LRMDA: variants seen among roughly 807,000 people sequenced by gnomAD.
LRMDA encodes leucine-rich melanocyte differentiation-associated protein.
In LRMDA, 18 loss-of-function variants were observed where a neutral mutation model predicts 29.8. That is an observed-to-expected ratio of 0.60 (90% CI 0.42 to 0.90). The LOEUF is 0.90. LRMDA is among the 40% of genes least tolerant of loss of function. The probability of loss-of-function intolerance (pLI) is 0.00; values close to 1 mark genes in which losing one functional copy is unlikely to be tolerated. For synonymous variants in LRMDA, 125 were observed against 109.4 expected (o/e 1.14, Z -0.89); for missense variants, 273 against 273.9 (o/e 1.00, Z 0.02).
intron 2 of LRMDA, among the ~76,000 whole-genome samples, chr10:75,613,947 C>T (rs1179905451): frequency 1.3e-5 from 2 of 152,170 alleles, no homozygotes; most frequent in Admixed American, 6.5e-5. Context: ...TATCAGTATG[C>T]TTTCTGCACC....
At chr10:76,430,625 C>G (rs1051884447) in intron 6 of LRMDA, among the ~76,000 whole-genome samples, 2 of 152,132 alleles carry the variant, frequency 1.3e-5, no homozygotes, top group African/African-American at 4.8e-5. Flanking sequence ...CCTAGGGAAC[C>G]ACAGTGAGTG....
rs149082948 is a variant in LRMDA at position 76,324,702 on chromosome 10, A to G, written c.601+217A>G. On this transcript the variant is annotated intron_variant, in intron 6 of 6. Transcript: ENST00000611255. Reference sequence around the variant, plus strand: ...TTCAGGAGGCAAATAAATCTACGGTATAATATAATTTTGTGATTTTTTTTT... The same window carrying G: ...TTCAGGAGGCAAATAAATCTACGGTGTAATATAATTTTGTGATTTTTTTTT... Among the ~76,000 whole-genome samples, 473 of 152,170 alleles carry G rather than the reference A, an allele frequency of 3.1e-3. 3 individuals are homozygous for G. The highest frequency in any genetic ancestry group is 0.011 in the African/African-American group (444 of 41,448).
intron 5 of LRMDA, among the ~76,000 whole-genome samples, chr10:76,272,541 A>G (rs1298305138): frequency 1.3e-5 from 2 of 152,194 alleles, no homozygotes; most frequent in South Asian, 2.1e-4. Flanking sequence ...ATACATTAGC[A>G]TGAGGGCTTT....
intron 5 of LRMDA, among the ~76,000 whole-genome samples, chr10:76,166,394 G>T (rs767869130): frequency 2.0e-5 from 3 of 152,108 alleles, no homozygotes; most frequent in Non-Finnish European, 4.4e-5. Context: ...GATGTTTGTT[G>T]TACAGATTAT....
At chr10:75,541,287 C>CAAATATGAA (rs1197875682) in intron 2 of LRMDA, among the ~76,000 whole-genome samples, 4 of 151,846 alleles carry the variant, frequency 2.6e-5, no homozygotes, top group African/African-American at 9.7e-5. Context: ...AGCCTAAGCT[C>CAAATATGAA]AAATATGAAA....
intron 5 of LRMDA, among the ~76,000 whole-genome samples, chr10:76,078,907 T>C (rs921440536): frequency 6.6e-6 from 1 of 152,224 alleles, no homozygotes; most frequent in Non-Finnish European, 1.5e-5. Context: ...TTCTCACCCA[T>C]TGGCTAGTTT....
chr10:76,160,331 C>T (rs759132036), intron 5 of LRMDA, among the ~76,000 whole-genome samples: 1 of 149,612 alleles, frequency 6.7e-6, no homozygotes, highest in South Asian at 2.1e-4. Context: ...GTAAAAAGTT[C>T]TTAATGTAAA....
At chr10:75,648,555 T>C (rs978575734) in intron 2 of LRMDA, among the ~76,000 whole-genome samples, 1 of 152,138 alleles carries the variant, frequency 6.6e-6, no homozygotes, top group South Asian at 2.1e-4. Flanking sequence ...CCTGGTCTGC[T>C]TGGGGATGTG....
chr10:75,606,891 G>A (rs1840963150), intron 2 of LRMDA, among the ~76,000 whole-genome samples: 1 of 152,180 alleles, frequency 6.6e-6, no homozygotes, highest in South Asian at 2.1e-4. Flanking sequence ...TGCTAATGGA[G>A]GGAAAGGATG....
At chr10:75,691,223 CAT>C (rs372810841) in intron 2 of LRMDA, among the ~76,000 whole-genome samples, 87 of 136,818 alleles carry the variant, frequency 6.4e-4, no homozygotes, top group East Asian at 3.3e-3. Context: ...TATATATACA[CAT>C]ATATGTGTGT....
At chr10:76,172,741 T>C (rs1215849653) in intron 5 of LRMDA, among the ~76,000 whole-genome samples, 2 of 152,152 alleles carry the variant, frequency 1.3e-5, no homozygotes, top group African/African-American at 2.4e-5. Flanking sequence ...CAGGAGAGTA[T>C]TGTCTCAATA....
intron 5 of LRMDA, chr10:76,270,914 A>G (rs1341044950): frequency 6.6e-6 from 1 of 152,244 alleles, no homozygotes; most frequent in African/African-American, 2.4e-5. Context: ...GAAGCAATTA[A>G]ATTGGCCTGT....
At chr10:75,924,691 G>A (rs576455555) in intron 2 of LRMDA, among the ~76,000 whole-genome samples, 11 of 152,120 alleles carry the variant, frequency 7.2e-5, no homozygotes, top group South Asian at 2.1e-4. Flanking sequence ...TTGCTCAGCC[G>A]TGCTGAAAGA....
intron 6 of LRMDA, among the ~76,000 whole-genome samples, chr10:76,431,708 G>C (rs948680597): frequency 2.0e-5 from 3 of 152,176 alleles, no homozygotes; most frequent in Non-Finnish European, 2.9e-5. Context: ...GGATGATAAA[G>C]AGATGATAGA....
chr10:76,384,513 G>C (rs1375031405), intron 6 of LRMDA, among the ~76,000 whole-genome samples: 1 of 152,112 alleles, frequency 6.6e-6, no homozygotes, highest in Non-Finnish European at 1.5e-5. Context: ...CCAACTGTCT[G>C]CTCTCCAGTA....
At chr10:75,906,921 C>G (rs1845768808) in intron 2 of LRMDA, among the ~76,000 whole-genome samples, 1 of 152,210 alleles carries the variant, frequency 6.6e-6, no homozygotes, top group Admixed American at 6.5e-5. Context: ...GTTGCTTTAA[C>G]ATGGTCTGGC....
intron 2 of LRMDA, among the ~76,000 whole-genome samples, chr10:76,008,502 C>T (rs1363926204): frequency 6.6e-6 from 1 of 152,194 alleles, no homozygotes; most frequent in East Asian, 1.9e-4. Context: ...TGTTTGCCTT[C>T]AATTCCGAGG....
chr10:76,059,061 C>A (rs1199204212), intron 5 of LRMDA, among the ~76,000 whole-genome samples: 1 of 152,094 alleles, frequency 6.6e-6, no homozygotes, highest in Non-Finnish European at 1.5e-5. Flanking sequence ...TAAGTGGGGC[C>A]TCTGCAGGTT....
intron 5 of LRMDA, among the ~76,000 whole-genome samples, chr10:76,059,206 C>T (rs1389797008): frequency 1.3e-5 from 2 of 152,154 alleles, no homozygotes; most frequent in Non-Finnish European, 1.5e-5. Flanking sequence ...GATTTTCTTC[C>T]ATCACAGGCA....
Sources: gnomAD v4.1 joint callset for allele counts (sites outside exome capture counted in the v4.1 genomes callset) on GRCh38, gnomAD v4.1.1 for gene constraint, MANE v1.5 for transcripts, NCBI Gene and HGNC (gene_info 2026-07-23, HGNC 2026-07-21) for gene names.